PODXL: variants seen among roughly 807,000 people sequenced by gnomAD.
PODXL encodes podocalyxin like.
PODXL carries 20 observed loss-of-function variants against 48.9 expected under a neutral mutation model. The observed-to-expected ratio is 0.41, with a 90% CI of 0.29 to 0.59. PODXL has a LOEUF of 0.59. Ranked by LOEUF, PODXL falls within the 20% of genes least tolerant of loss-of-function variation. The pLI is 0.31. For synonymous variants in PODXL, 295 were observed against 287.4 expected (o/e 1.03, Z -0.27); for missense variants, 606 against 675.1 (o/e 0.90, Z 1.13).
chr7:131,506,477 C>T (rs1416042297), intron 6 of PODXL, 102 bp downstream of exon 6: 1 of 1,448,342 alleles, frequency 6.9e-7, no homozygotes, highest in Non-Finnish European at 9.6e-7. Flanking sequence ...TCTTAGGGAA[C>T]TGAAGGGGCA....
In PODXL at chr7:131,502,738, TTC is replaced by T. The variant is rs1797728045; in HGVS notation, c.*1571_*1572del. ...TCAACATTCCACACAGGATTCCCCC[TTC>T]TCAATCAGATGAAACCTCACCATGC... On this transcript the variant is annotated 3_prime_UTR_variant, in exon 9 of 9. Transcript: ENST00000378555. 6.5e-6 allele frequency: 1 copy of T among 152,672 alleles called. No homozygotes were observed. The highest frequency in any genetic ancestry group is 1.5e-5 in the Non-Finnish European group (1 of 68,060). The allele number at this position is 152,672 out of a possible 1,614,324, so 9.5% of individuals were successfully genotyped here.
chr7:131,521,999 G>A (rs545747005), intron 1 of PODXL, among the ~76,000 whole-genome samples: 2 of 152,340 alleles, frequency 1.3e-5, no homozygotes, highest in South Asian at 2.1e-4. Flanking sequence ...GCAGAGCTGT[G>A]GGCTAAACCC....
chr7:131,511,843 C>T (rs556791560), intron 1 of PODXL, among the ~76,000 whole-genome samples: 134 of 152,312 alleles, frequency 8.8e-4, no homozygotes, highest in African/African-American at 3.1e-3. Flanking sequence ...TGAGGCCCAC[C>T]ACACGTGGAG....
Position 131,505,984 on chromosome 7 carries a change from C to T in PODXL, c.1363G>A (p.Glu455Lys), listed in dbSNP as rs1289530029. 3.1e-6 allele frequency: 5 copies of T among 1,612,262 alleles called. No homozygotes were observed. Among genetic ancestry groups the T allele is most frequent in the East Asian group, 4.5e-5 (2 of 44,834 alleles). Reference sequence around the variant, plus strand: ...ATGAGGGGCATGCTGAAGCGGTCCTCGGCCTCCTCCGGTGGCCCCTGGTCC... The same window carrying T: ...ATGAGGGGCATGCTGAAGCGGTCCTTGGCCTCCTCCGGTGGCCCCTGGTCC... ...LGDQGPPEEAEDRFSMPLIIT... is the reference protein window; with the variant it reads ...LGDQGPPEEAKDRFSMPLIIT... The change falls in exon 8 of 9, where the codon GAG becomes AAG. Residue 455 changes from glutamate to lysine, a missense_variant. Coordinates refer to ENST00000378555, the MANE Select transcript of PODXL (RefSeq NM_001018111.3).
rs1797721271 is a variant in PODXL at position 131,502,376 on chromosome 7, C to CT, written c.*1934dup. On this transcript the variant is annotated 3_prime_UTR_variant, in exon 9 of 9. Coordinates refer to ENST00000378555, the MANE Select transcript of PODXL (RefSeq NM_001018111.3). ...TGGAACTTGTTAGCCTCGCATCCCT[C>CT]TAACTCCTGGGAAACTCGCTGGGGC... The CT allele has an allele frequency of 6.6e-6, 1 of 152,302 alleles. No homozygotes were observed. Among genetic ancestry groups the CT allele is most frequent in the African/African-American group, 2.4e-5 (1 of 41,450 alleles). 9.4% of individuals were successfully genotyped at this position (152,302 alleles called of 1,614,324 possible).
chr7:131,506,911 G>C, intron 5 of PODXL, 185 bp from the exon 6 acceptor site: 1 of 623,824 alleles, frequency 1.6e-6, no homozygotes, highest in South Asian at 1.9e-5. Context: ...TGTTCTCCTG[G>C]GCCAGTTCCT....
chr7:131,514,263 A>T (rs1797958628), intron 1 of PODXL, among the ~76,000 whole-genome samples: 1 of 152,098 alleles, frequency 6.6e-6, no homozygotes, highest in Non-Finnish European at 1.5e-5. Flanking sequence ...AAAATACAAA[A>T]ATTAGCCAGG....
intron 1 of PODXL, among the ~76,000 whole-genome samples, chr7:131,537,749 C>G (rs756343529): frequency 7.9e-5 from 12 of 152,278 alleles, no homozygotes; most frequent in African/African-American, 2.9e-4. Flanking sequence ...CCGAGGGTAA[C>G]CGCTATTATT....
chr7:131,525,068 T>C (rs1384310536), intron 1 of PODXL, among the ~76,000 whole-genome samples: 2 of 151,766 alleles, frequency 1.3e-5, no homozygotes, highest in Admixed American at 6.6e-5. Context: ...ACACCAGAGG[T>C]TGAGGGAACT....
At chr7:131,544,811 C>T (rs1281039711) in intron 1 of PODXL, among the ~76,000 whole-genome samples, 1 of 152,152 alleles carries the variant, frequency 6.6e-6, no homozygotes, top group African/African-American at 2.4e-5. Flanking sequence ...AAGCTGGTGG[C>T]TTAACAAACA....
intron 8 of PODXL, among the ~76,000 whole-genome samples, chr7:131,504,924 C>T (rs776024236): frequency 3.2e-4 from 48 of 152,168 alleles, no homozygotes; most frequent in Non-Finnish European, 4.4e-4. Context: ...AGGATGGGTA[C>T]GGTGTCTCTA....
chr7:131,518,496 T>C (rs776369690), intron 1 of PODXL, among the ~76,000 whole-genome samples: 3 of 152,068 alleles, frequency 2.0e-5, no homozygotes, highest in Non-Finnish European at 2.9e-5. Context: ...CTGGCTTTTA[T>C]TGGGGATGAG....
intron 1 of PODXL, among the ~76,000 whole-genome samples, chr7:131,533,926 G>A (rs918151616): frequency 8.5e-5 from 13 of 152,322 alleles, no homozygotes; most frequent in African/African-American, 2.6e-4. Flanking sequence ...TGGAGAGCAG[G>A]GTAATAAAAG....
At chr7:131,542,794 G>A (rs1258907481) in intron 1 of PODXL, among the ~76,000 whole-genome samples, 2 of 152,198 alleles carry the variant, frequency 1.3e-5, no homozygotes, top group Non-Finnish European at 2.9e-5. Flanking sequence ...GCGCCAGTTA[G>A]AGCCTCCCTC....
intron 1 of PODXL, among the ~76,000 whole-genome samples, chr7:131,547,540 A>G (rs117840222): frequency 0.035 from 5,336 of 152,298 alleles, 109 homozygotes; most frequent in South Asian, 0.047. Context: ...CACAAGGCTA[A>G]CAAGTGTCGA....
At chr7:131,539,685 C>T (rs913808171) in intron 1 of PODXL, among the ~76,000 whole-genome samples, 7 of 152,150 alleles carry the variant, frequency 4.6e-5, no homozygotes, top group South Asian at 2.1e-4. Context: ...TTACTGAGGG[C>T]GGGGCTGGAA....
At chr7:131,514,861 G>A (rs998501720) in intron 1 of PODXL, among the ~76,000 whole-genome samples, 3 of 151,886 alleles carry the variant, frequency 2.0e-5, no homozygotes, top group Admixed American at 2.0e-4. Flanking sequence ...CTCCAGCCTC[G>A]GCCTCCCAAA....
At chr7:131,516,956 G>A (rs1185895121) in intron 1 of PODXL, among the ~76,000 whole-genome samples, 1 of 152,124 alleles carries the variant, frequency 6.6e-6, no homozygotes, top group Non-Finnish European at 1.5e-5. Context: ...CTGTGCTCAA[G>A]TGATCCTTCT....
intron 1 of PODXL, among the ~76,000 whole-genome samples, chr7:131,526,737 C>CTTTT: frequency 7.4e-5 from 2 of 27,134 alleles, no homozygotes; most frequent in Non-Finnish European, 6.4e-5. Flanking sequence ...AACTTCCTTA[C>CTTTT]TCTTTTTTTT....
Sources: gnomAD v4.1 joint callset for allele counts (sites outside exome capture counted in the v4.1 genomes callset) on GRCh38, gnomAD v4.1.1 for gene constraint, MANE v1.5 for transcripts, NCBI Gene and HGNC (gene_info 2026-07-23, HGNC 2026-07-21) for gene names.